The following GRM8 variants were observed in gnomAD, a reference collection of about 807,000 sequenced individuals.
GRM8 encodes glutamate metabotropic receptor 8, also known as metabotropic glutamate receptor 8.
Under a neutral mutation model 87.2 loss-of-function variants are expected in GRM8, and 47 were observed. The observed-to-expected ratio is 0.54, with a 90% CI of 0.43 to 0.69. The LOEUF is 0.69. Among genes scored for constraint, GRM8 ranks in the 30% least tolerant of loss-of-function variants. GRM8 has a pLI of 0.00. For synonymous variants in GRM8, 396 were observed against 404.5 expected (o/e 0.98, Z 0.25); for missense variants, 1,019 against 1,139.2 (o/e 0.89, Z 1.52).
At chr7:126,508,424 G>T (rs551679449) in intron 9 of GRM8, among the ~76,000 whole-genome samples, 2 of 152,064 alleles carry the variant, frequency 1.3e-5, no homozygotes, top group African/African-American at 4.8e-5. Context: ...ATTTAAAAAT[G>T]ATATTCCTCC....
chr7:126,589,795 C>T (rs1010640162), intron 8 of GRM8, among the ~76,000 whole-genome samples: 1 of 152,148 alleles, frequency 6.6e-6, no homozygotes, highest in Non-Finnish European at 1.5e-5. Flanking sequence ...AGATGGTTCA[C>T]ATCACAGAAC....
Position 126,803,287 on chromosome 7 carries a change from A to T in GRM8, c.1157-33222T>A, listed in dbSNP as rs1317929030. 2.0e-5 allele frequency among the ~76,000 whole-genome samples: 3 copies of T among 152,306 alleles called. No individual in the cohort carries two copies. The East Asian group carries it at 5.8e-4, about 29-fold the overall frequency. On this transcript the variant is annotated intron_variant, in intron 6 of 10. Transcript: ENST00000339582. Reference sequence around the variant, plus strand: ...TGGCAATATTGGTTTATTGAGTAACATCACAGGTATGTGTGGGCACAGACT... The same window carrying T: ...TGGCAATATTGGTTTATTGAGTAACTTCACAGGTATGTGTGGGCACAGACT...
chr7:126,783,059 C>T (rs1208577411), intron 6 of GRM8, among the ~76,000 whole-genome samples: 2 of 152,160 alleles, frequency 1.3e-5, no homozygotes, highest in African/African-American at 2.4e-5. Context: ...ACTGTATACT[C>T]GCTCCAAGTC....
intron 3 of GRM8, among the ~76,000 whole-genome samples, chr7:127,105,917 A>C (rs909791452): frequency 1.1e-4 from 16 of 152,222 alleles, no homozygotes; most frequent in African/African-American, 3.9e-4. Context: ...AATGCCCAGG[A>C]CAGACATCAG....
intron 9 of GRM8, among the ~76,000 whole-genome samples, chr7:126,499,705 C>T (rs1320321176): frequency 6.6e-6 from 1 of 151,800 alleles, no homozygotes; most frequent in East Asian, 1.9e-4. Flanking sequence ...CATCTGATCT[C>T]ACTTATGCGT....
At chr7:126,562,680 A>C (rs1301481062) in intron 8 of GRM8, among the ~76,000 whole-genome samples, 2 of 152,164 alleles carry the variant, frequency 1.3e-5, no homozygotes, top group Non-Finnish European at 2.9e-5. Context: ...AGATCACCTG[A>C]GGTTGGGAGT....
At chr7:127,097,797 G>A (rs1824818737) in intron 3 of GRM8, among the ~76,000 whole-genome samples, 1 of 152,196 alleles carries the variant, frequency 6.6e-6, no homozygotes, top group Non-Finnish European at 1.5e-5. Context: ...ATTTAAAGAA[G>A]TGCTTTTGAC....
intron 9 of GRM8, among the ~76,000 whole-genome samples, chr7:126,463,713 G>A (rs796695250): frequency 9.2e-5 from 14 of 151,584 alleles, no homozygotes; most frequent in African/African-American, 3.4e-4. Context: ...AAGGAAGTTG[G>A]GCTGTCAAGT....
At chr7:126,929,872 T>TGAG (rs1805580033) in intron 3 of GRM8, among the ~76,000 whole-genome samples, 1 of 12,994 alleles carries the variant, frequency 7.7e-5, no homozygotes, top group Non-Finnish European at 1.4e-4. Flanking sequence ...CATACAAGAT[T>TGAG]TAAAATATAA....
At chr7:126,732,442 A>C (rs1813709172) in intron 7 of GRM8, among the ~76,000 whole-genome samples, 2 of 152,162 alleles carry the variant, frequency 1.3e-5, no homozygotes, top group Admixed American at 6.6e-5. Context: ...TTGTGCCTTA[A>C]GAGTTATTAG....
At chr7:126,885,968 T>C (rs1800454155) in intron 6 of GRM8, among the ~76,000 whole-genome samples, 1 of 152,124 alleles carries the variant, frequency 6.6e-6, no homozygotes, top group Non-Finnish European at 1.5e-5. Flanking sequence ...CACAGTATAA[T>C]TTCTATGAAG....
At position 127,213,545 on chromosome 7, in the gene GRM8, C is replaced by T. The variant is rs568772851; in HGVS notation, c.510+29150G>A. On this transcript the variant is annotated intron_variant, in intron 2 of 10. Transcript: ENST00000339582. Reference sequence around the variant, plus strand: ...TTGGCTAATTTTAGGCTCTCTTTCCCTGACTCCATTCTACTGAGCTCTCTT... The same window carrying T: ...TTGGCTAATTTTAGGCTCTCTTTCCTTGACTCCATTCTACTGAGCTCTCTT... Among the ~76,000 whole-genome samples the T allele has an allele frequency of 3.1e-4, 47 of 152,318 alleles. No homozygotes were observed. In the South Asian group the frequency reaches 5.6e-3, roughly 18 times the overall value.
At chr7:127,105,186 T>C (rs1435199152) in intron 3 of GRM8, 1 of 152,192 alleles carries the variant, frequency 6.6e-6, no homozygotes, top group East Asian at 1.9e-4. Context: ...CCCAAGAAGA[T>C]AATATAATTT....
intron 2 of GRM8, among the ~76,000 whole-genome samples, chr7:127,112,909 A>C (rs1826464502): frequency 6.6e-6 from 1 of 152,250 alleles, no homozygotes; most frequent in African/African-American, 2.4e-5. Flanking sequence ...ATCAAAGGTC[A>C]ACATCATAGA....
intron 6 of GRM8, among the ~76,000 whole-genome samples, chr7:126,899,045 G>A (rs1801815202): frequency 1.3e-5 from 2 of 150,500 alleles, no homozygotes; most frequent in African/African-American, 2.4e-5. Flanking sequence ...GAAAATATGA[G>A]TTTGGAGAAA....
At chr7:126,761,830 C>T (rs1407816458) in intron 7 of GRM8, among the ~76,000 whole-genome samples, 1 of 152,126 alleles carries the variant, frequency 6.6e-6, no homozygotes, top group Non-Finnish European at 1.5e-5. Context: ...TCATGAATAC[C>T]TTTTCCACAT....
At chr7:126,972,600 T>C (rs1182971361) in intron 3 of GRM8, among the ~76,000 whole-genome samples, 5 of 152,224 alleles carry the variant, frequency 3.3e-5, no homozygotes, top group Non-Finnish European at 7.3e-5. Context: ...TTACAAATGC[T>C]AGATTTAACC....
intron 3 of GRM8, among the ~76,000 whole-genome samples, chr7:127,104,636 C>T (rs1477264487): frequency 6.6e-6 from 1 of 152,098 alleles, no homozygotes; most frequent in Non-Finnish European, 1.5e-5. Flanking sequence ...GACAACCAAT[C>T]AAGTCACAGA....
intron 3 of GRM8, among the ~76,000 whole-genome samples, chr7:126,982,034 A>G (rs563735477): frequency 6.6e-6 from 1 of 152,278 alleles, no homozygotes; most frequent in Admixed American, 6.5e-5. Context: ...AAGTAGTATT[A>G]ACTCACATGA....
Sources: allele counts gnomAD v4.1 joint callset (sites outside exome capture counted in the v4.1 genomes callset), GRCh38; gene constraint gnomAD v4.1.1; transcripts MANE v1.5; gene names NCBI Gene and HGNC (gene_info 2026-07-23, HGNC 2026-07-21).